Variants in MEGF10 observed in about 807,000 individuals in gnomAD.
MEGF10 encodes multiple EGF like domains 10.
In MEGF10, 86 loss-of-function variants were observed where a neutral mutation model predicts 147.5. That is an observed-to-expected ratio of 0.58 (90% CI 0.49 to 0.70). The LOEUF is 0.70. Among genes scored for constraint, MEGF10 ranks in the 30% least tolerant of loss-of-function variants. MEGF10 has a pLI of 0.00. For synonymous variants in MEGF10, 478 were observed against 525.5 expected, an observed-to-expected ratio of 0.91 and a Z score of 1.24; for missense variants, 1,329 against 1,487.3, an observed-to-expected ratio of 0.89 and a Z score of 1.75.
chr5:127,435,151 G>A (rs931418325), intron 15 of MEGF10, among the ~76,000 whole-genome samples: 1 of 152,178 alleles, frequency 6.6e-6, no homozygotes, highest in Non-Finnish European at 1.5e-5. Flanking sequence ...GTGCAATGAT[G>A]TCCCCTGGTT....
the MEGF10 span, among the ~76,000 whole-genome samples, chr5:127,257,258 T>G: frequency 6.6e-6 from 1 of 151,640 alleles, no homozygotes. Context: ...CCTGGCTATT[T>G]GATGAGATTC....
intron 5 of MEGF10, among the ~76,000 whole-genome samples, chr5:127,393,205 G>A (rs1209196907): frequency 6.6e-6 from 1 of 152,210 alleles, no homozygotes. Flanking sequence ...TTAGAGTGAG[G>A]TGTTAAGGAA....
At chr5:127,403,808 G>A (rs1178792092) in intron 8 of MEGF10, among the ~76,000 whole-genome samples, 1 of 152,158 alleles carries the variant, frequency 6.6e-6, no homozygotes, top group South Asian at 2.1e-4. Context: ...ACTCCATTGT[G>A]TATATGTACC....
At chr5:127,294,784 G>C (rs1370628093) in intron 1 of MEGF10, among the ~76,000 whole-genome samples, 1 of 139,936 alleles carries the variant, frequency 7.1e-6, no homozygotes, top group Non-Finnish European at 1.5e-5. Flanking sequence ...GGGTGACAGA[G>C]TGAGACTCTG....
At chr5:127,325,431 T>G (rs1760974384) in intron 1 of MEGF10, among the ~76,000 whole-genome samples, 1 of 152,040 alleles carries the variant, frequency 6.6e-6, no homozygotes, top group East Asian at 1.9e-4. Context: ...ACAGAGACAT[T>G]GTAGAGGATT....
intron 24 of MEGF10, among the ~76,000 whole-genome samples, chr5:127,455,983 A>G (rs1042943133): frequency 2.2e-4 from 33 of 152,186 alleles, no homozygotes; most frequent in Non-Finnish European, 2.9e-4. Flanking sequence ...TTTAGCGATC[A>G]TATTAATTGG....
intron 1 of MEGF10, among the ~76,000 whole-genome samples, chr5:127,295,624 T>C (rs1759462667): frequency 6.6e-6 from 1 of 152,236 alleles, no homozygotes; most frequent in African/African-American, 2.4e-5. Flanking sequence ...TTAGGGCAGC[T>C]GCACCATAAA....
chr5:127,428,141 A>ATTTTTTTTTTT (rs66935934), intron 13 of MEGF10, among the ~76,000 whole-genome samples: 9 of 103,572 alleles, frequency 8.7e-5, no homozygotes, highest in Non-Finnish European at 1.2e-4. Flanking sequence ...GGTGTCTGGT[A>ATTTTTTTTTTT]TTTTTTTTTT....
chr5:127,379,070 T>C (rs1763150803), intron 5 of MEGF10, among the ~76,000 whole-genome samples: 2 of 149,466 alleles, frequency 1.3e-5, no homozygotes, highest in African/African-American at 2.5e-5. Context: ...TTTTCTTTTT[T>C]TTTTTTTTTT....
At chr5:127,279,549 C>T in the MEGF10 span, among the ~76,000 whole-genome samples, 3 of 152,144 alleles carry the variant, frequency 2.0e-5, no homozygotes, top group Admixed American at 6.5e-5. Context: ...TGGATCTCCA[C>T]GGGTCATTCC....
At chr5:127,247,480 A>G in the MEGF10 span, among the ~76,000 whole-genome samples, 2 of 150,006 alleles carry the variant, frequency 1.3e-5, no homozygotes, top group Admixed American at 6.7e-5. Flanking sequence ...GAAGAAGAAG[A>G]AGAAGAAAAA....
intron 13 of MEGF10, among the ~76,000 whole-genome samples, chr5:127,426,385 CA>C (rs1183554521): frequency 1.5e-4 from 23 of 151,838 alleles, no homozygotes; most frequent in Non-Finnish European, 2.9e-4. Context: ...ATCCTATTTC[CA>C]AAAAAAGTAC....
chr5:127,321,823 C>G (rs2126763402), intron 1 of MEGF10, among the ~76,000 whole-genome samples: 1 of 152,242 alleles, frequency 6.6e-6, no homozygotes, highest in East Asian at 1.9e-4. Flanking sequence ...GGCTTCCTCT[C>G]AGTGTCCCTG....
At chr5:127,339,008 C>A in intron 2 of MEGF10, 112 bp from the exon 3 acceptor site, 1 of 513,174 alleles carries the variant, frequency 1.9e-6, no homozygotes, top group South Asian at 4.6e-5. Flanking sequence ...TGTTAAAAGT[C>A]ACTATGGAGT....
the MEGF10 span, among the ~76,000 whole-genome samples, chr5:127,261,355 A>G: frequency 2.0e-5 from 3 of 152,166 alleles, no homozygotes; most frequent in South Asian, 6.2e-4. Context: ...GAATCTTACA[A>G]TAAGTGGCCG....
intron 1 of MEGF10, among the ~76,000 whole-genome samples, chr5:127,311,165 C>T (rs1005552029): frequency 2.6e-5 from 4 of 152,176 alleles, no homozygotes; most frequent in East Asian, 1.9e-4. Context: ...GCCAGTTTCT[C>T]ATACTTTACT....
rs913231586 is a variant in MEGF10 at position 127,424,544 on chromosome 5, C to T, written c.1693+1772C>T. 42 of 1,403,810 alleles carry T rather than the reference C, an allele frequency of 3.0e-5. No individual in the cohort carries two copies. In the Admixed American group the frequency reaches 3.1e-4, roughly 11 times the overall value. 87.0% of individuals were successfully genotyped at this position (1,403,810 alleles called of 1,614,324 possible). On this transcript the variant is annotated intron_variant, in intron 13 of 24. Transcript: ENST00000503335. ...AACCTCTTCAGTAGTGTCTCTCAGC[C>T]CCTTGGAAAATGTTGAGAGCTTCTT...
At chr5:127,439,031 T>C (rs570308244) in intron 17 of MEGF10, among the ~76,000 whole-genome samples, 1 of 152,310 alleles carries the variant, frequency 6.6e-6, no homozygotes, top group Non-Finnish European at 1.5e-5. Flanking sequence ...ACACAGAAGC[T>C]AGTTCCATCC....
chr5:127,452,692 C>G (rs1766200397), intron 22 of MEGF10, among the ~76,000 whole-genome samples: 1 of 152,190 alleles, frequency 6.6e-6, no homozygotes, highest in South Asian at 2.1e-4. Context: ...CCATAAATCA[C>G]TTGGTTACAC....
Sources: gnomAD v4.1 joint callset for allele counts (sites outside exome capture counted in the v4.1 genomes callset) on GRCh38, gnomAD v4.1.1 for gene constraint, MANE v1.5 for transcripts, NCBI Gene and HGNC (gene_info 2026-07-23, HGNC 2026-07-21) for gene names.